The following EPHA6 variants were observed in gnomAD, a reference collection of about 807,000 sequenced individuals.
EPHA6 encodes ephrin type-A receptor 6.
A neutral mutation model predicts 112.0 loss-of-function variants in EPHA6; 50 were observed. The observed-to-expected ratio is 0.45, with a 90% CI of 0.36 to 0.56. The LOEUF (loss-of-function observed/expected upper bound fraction) is 0.56. EPHA6 is among the 20% of genes least tolerant of loss of function. The pLI is 0.00. For missense variants in EPHA6, 1,280 were observed against 1,417.4 expected (o/e 0.90, Z 1.56); for synonymous variants, 529 against 490.7 (o/e 1.08, Z -1.03).
chr3:97,711,383 T>A (rs924807397), intron 14 of EPHA6, among the ~76,000 whole-genome samples: 4 of 151,958 alleles, frequency 2.6e-5, no homozygotes, highest in Admixed American at 2.0e-4. Context: ...ACAGTCAGGA[T>A]TCTCCAGAGA....
In EPHA6 at chr3:97,752,071, A is replaced by G. The variant is rs2035916044; in HGVS notation, c.*3370A>G. On this transcript the variant is annotated 3_prime_UTR_variant, in exon 18 of 18. Coordinates refer to ENST00000389672, the MANE Select transcript of EPHA6 (RefSeq NM_001080448.3). ...AATCAAGAATTATAGCACTTTTGCA[A>G]TGAGTTATAACTGGTGATAAATGTT... 2 of 224,204 alleles carry G rather than the reference A, an allele frequency of 8.9e-6. No individual in the cohort carries two copies. Among genetic ancestry groups the G allele is most frequent in the African/African-American group, 4.5e-5 (2 of 44,914 alleles). The allele number at this position is 224,204 out of a possible 1,614,324, so 13.9% of individuals were successfully genotyped here. A position where few individuals can be genotyped will look rare whatever the true frequency, so the allele number is the denominator to read the frequency against.
intron 3 of EPHA6, among the ~76,000 whole-genome samples, chr3:97,147,242 A>G (rs2076064469): frequency 1.3e-5 from 2 of 152,256 alleles, no homozygotes; most frequent in South Asian, 4.1e-4. Flanking sequence ...ATTTATAAAA[A>G]TAACGAGATT....
intron 3 of EPHA6, among the ~76,000 whole-genome samples, chr3:96,995,526 T>G (rs72916501): frequency 0.013 from 2,000 of 152,188 alleles, 46 homozygotes; most frequent in African/African-American, 0.044. Context: ...ATAGAAGGTA[T>G]TATTTCCAAG....
At chr3:97,009,647 C>T (rs1037072322) in intron 3 of EPHA6, among the ~76,000 whole-genome samples, 9 of 152,238 alleles carry the variant, frequency 5.9e-5, no homozygotes, top group Admixed American at 3.9e-4. Context: ...CAAGGAGTTT[C>T]GTTGGCTTAA....
chr3:97,645,135 T>C (rs1188695226), intron 14 of EPHA6, among the ~76,000 whole-genome samples: 1 of 151,890 alleles, frequency 6.6e-6, no homozygotes, highest in East Asian at 1.9e-4. Flanking sequence ...CAACTAGAAA[T>C]ACCATTTGAC....
chr3:97,643,961 C>G (rs1473915088), intron 14 of EPHA6, among the ~76,000 whole-genome samples: 1 of 151,128 alleles, frequency 6.6e-6, no homozygotes, highest in Non-Finnish European at 1.5e-5. Flanking sequence ...ACAGAACTCT[C>G]CACCCCAAAT....
intron 3 of EPHA6, among the ~76,000 whole-genome samples, chr3:97,168,665 C>T (rs966420086): frequency 4.6e-5 from 7 of 151,728 alleles, no homozygotes; most frequent in Non-Finnish European, 8.8e-5. Context: ...GCTTGCTTCT[C>T]CTTTGCCTTC....
intron 2 of EPHA6, among the ~76,000 whole-genome samples, chr3:96,958,696 A>T (rs4396909): frequency 0.25 from 38,489 of 151,996 alleles, 9,120 homozygotes; most frequent in African/African-American, 0.6. Context: ...ATTTACCTAT[A>T]GTTGGCATTT....
At chr3:97,187,582 CAAAA>C (rs756097255) in intron 3 of EPHA6, among the ~76,000 whole-genome samples, 1 of 26,584 alleles carries the variant, frequency 3.8e-5, no homozygotes, top group Non-Finnish European at 6.6e-5. Context: ...CTCAAAACGT[CAAAA>C]AAAAAAAAAA....
At chr3:97,636,154 C>T (rs1056271878) in intron 13 of EPHA6, among the ~76,000 whole-genome samples, 3 of 152,064 alleles carry the variant, frequency 2.0e-5, no homozygotes, top group Admixed American at 1.3e-4. Context: ...TCAGGTGCCC[C>T]ATTAACATTC....
chr3:96,823,246 A>G (rs1377230461), intron 1 of EPHA6, among the ~76,000 whole-genome samples: 2 of 151,802 alleles, frequency 1.3e-5, no homozygotes, highest in Non-Finnish European at 3.0e-5. Flanking sequence ...GAGAATTGAT[A>G]TCTCACACAA....
chr3:97,240,360 C>T (rs1421985402), intron 4 of EPHA6, among the ~76,000 whole-genome samples: 1 of 151,778 alleles, frequency 6.6e-6, no homozygotes, highest in Non-Finnish European at 1.5e-5. Context: ...TGTTAATAAA[C>T]CATGCACTAC....
At chr3:97,230,977 A>G (rs114648977) in intron 4 of EPHA6, among the ~76,000 whole-genome samples, 115 of 152,296 alleles carry the variant, frequency 7.6e-4, no homozygotes, top group African/African-American at 2.6e-3. Context: ...CAAATTTTCC[A>G]TAGGAAAGGG....
intron 3 of EPHA6, among the ~76,000 whole-genome samples, chr3:97,086,038 G>T (rs577396562): frequency 2.7e-5 from 4 of 150,662 alleles, no homozygotes; most frequent in African/African-American, 9.9e-5. Context: ...GGGTTCAAGC[G>T]ACTCTCTTGC....
chr3:97,201,100 A>T (rs535966202), intron 3 of EPHA6, among the ~76,000 whole-genome samples: 2 of 152,288 alleles, frequency 1.3e-5, no homozygotes, highest in African/African-American at 4.8e-5. Context: ...TAACCATGCA[A>T]AATAAAAGCC....
intron 10 of EPHA6, among the ~76,000 whole-genome samples, chr3:97,486,365 C>A (rs2091698236): frequency 6.6e-6 from 1 of 152,200 alleles, no homozygotes; most frequent in African/African-American, 2.4e-5. Flanking sequence ...CTAACTTGCG[C>A]CCCTGGCCGT....
At chr3:96,972,991 C>G (rs980145517) in intron 2 of EPHA6, among the ~76,000 whole-genome samples, 1 of 152,096 alleles carries the variant, frequency 6.6e-6, no homozygotes, top group African/African-American at 2.4e-5. Flanking sequence ...CCTAGAAAGG[C>G]TGTTTGATTG....
chr3:97,705,140 A>G (rs1433794803), intron 14 of EPHA6, among the ~76,000 whole-genome samples: 1 of 152,014 alleles, frequency 6.6e-6, no homozygotes, highest in African/African-American at 2.4e-5. Context: ...TCCCCTGCTT[A>G]CTTCTCTAGC....
intron 14 of EPHA6, chr3:97,648,274 T>C (rs767551239): frequency 2.2e-6 from 2 of 927,472 alleles, no homozygotes; most frequent in Non-Finnish European, 3.6e-6. Flanking sequence ...TCTGTTTACT[T>C]TGCATTCATA....
Sources: gnomAD v4.1 joint callset for allele counts (sites outside exome capture counted in the v4.1 genomes callset) on GRCh38, gnomAD v4.1.1 for gene constraint, MANE v1.5 for transcripts, NCBI Gene and HGNC (gene_info 2026-07-23, HGNC 2026-07-21) for gene names.